Variants in FANCD2 observed in about 807,000 individuals in gnomAD.
The protein encoded by FANCD2 is FA complementation group D2, also known as Fanconi anemia group D2 protein.
A neutral mutation model predicts 192.3 loss-of-function variants in FANCD2; 131 were observed. The observed-to-expected ratio is 0.68, with a 90% CI of 0.59 to 0.79. FANCD2 has a LOEUF of 0.79. FANCD2 is among the 30% of genes least tolerant of loss of function. The pLI is 0.00. For missense variants in FANCD2, 1,508 were observed against 1,701.6 expected (o/e 0.89, Z 2.00); for synonymous variants, 524 against 612.5 (o/e 0.86, Z 2.13).
At chr3:10,032,365 C>T (rs1041168450) in intron 2 of FANCD2, 3 of 364,840 alleles carry the variant, frequency 8.2e-6, no homozygotes, top group Admixed American at 3.7e-5. Context: ...ACTATAGCCT[C>T]AACCTCCTGG....
At chr3:10,100,841 AG>A (rs1381812872) in intron 43 of FANCD2, among the ~76,000 whole-genome samples, 1 of 152,134 alleles carries the variant, frequency 6.6e-6, no homozygotes, top group Non-Finnish European at 1.5e-5. Context: ...AGGCTGAGGC[AG>A]GCAGATCACC....
At position 10,052,374 on chromosome 3, in the gene FANCD2, A is replaced by AT. The variant is rs758397626; in HGVS notation, c.1546-7dup. On this transcript the variant is annotated splice_polypyrimidine_tract_variant and intron_variant, in intron 17 of 43. Transcript: ENST00000675286. ...AGCTGCTAGCCTCATTGTTGGCATC[A>AT]TTTTTTCCACAGGGCATTTTAGATT... The AT allele has an allele frequency of 2.6e-6, 4 of 1,541,686 alleles. No individual in the cohort carries two copies. Among genetic ancestry groups the AT allele is most frequent in the South Asian group, 1.1e-5 (1 of 89,620 alleles).
rs879221957 is a variant in FANCD2 at position 10,034,324 on chromosome 3, C to CAAA, written c.206-126_206-124dup. 8,538 of 411,378 alleles carry CAAA rather than the reference C, an allele frequency of 0.021. 127 individuals carry two copies. The highest frequency in any genetic ancestry group is 0.096 in the African/African-American group (2,215 of 22,988). The allele number at this position is 411,378 out of a possible 1,614,324, so 25.5% of individuals were successfully genotyped here. A position where few individuals can be genotyped will look rare whatever the true frequency, so the allele number is the denominator to read the frequency against. ...TAGGCAACAGAACAAAACTCCATCTCAAAAAAAAAAAAAAAAAAAAAGATT... is the reference window on the plus strand; with the variant it reads ...TAGGCAACAGAACAAAACTCCATCTCAAAAAAAAAAAAAAAAAAAAAAAAGATT... On this transcript the variant is annotated intron_variant, in intron 3 of 43. Transcript: ENST00000675286.
intron 17 of FANCD2, among the ~76,000 whole-genome samples, chr3:10,051,376 G>A (rs1433256941): frequency 4.8e-5 from 4 of 82,756 alleles, no homozygotes; most frequent in Admixed American, 2.2e-4. Context: ...GCGAGACTCC[G>A]TCTCAAAAAA....
At chr3:10,036,482 G>T in intron 7 of FANCD2, 143 bp downstream of exon 7, 3 of 651,712 alleles carry the variant, frequency 4.6e-6, no homozygotes. Flanking sequence ...TTTTACTGGA[G>T]TGTCTTTGAA....
intron 12 of FANCD2, 132 bp from the exon 13 acceptor site, chr3:10,043,352 A>G: frequency 1.2e-6 from 1 of 822,416 alleles, no homozygotes; most frequent in Non-Finnish European, 2.1e-6. Context: ...CAGACAGACG[A>G]CAGTGCAAGT....
chr3:10,031,344 A>C (rs3107667), intron 2 of FANCD2, among the ~76,000 whole-genome samples: 95,811 of 151,804 alleles, frequency 0.63, 31,947 homozygotes, highest in African/African-American at 0.84. Context: ...TCTACTAAAA[A>C]TACAAAAAAT....
intron 42 of FANCD2, among the ~76,000 whole-genome samples, chr3:10,098,035 A>T (rs1695082465): frequency 6.6e-6 from 1 of 152,116 alleles, no homozygotes; most frequent in African/African-American, 2.4e-5. Flanking sequence ...TGTTTATAAT[A>T]CTACTTTGGA....
At position 10,043,601 on chromosome 3, in the gene FANCD2, T is replaced by C; in HGVS notation, c.1098+9T>C. ...CAGAAGCCTGGATTAAGGTGAGATC[T>C]TTGGAACTTTGATTATCAAGGAGGA... On this transcript the variant is annotated intron_variant, in intron 13 of 43. Transcript: ENST00000675286. 6.3e-7 allele frequency: 1 copy of C among 1,584,698 alleles called. No individual in the cohort carries two copies. The highest frequency in any genetic ancestry group is 2.2e-5 in the East Asian group (1 of 44,770).
intron 25 of FANCD2, among the ~76,000 whole-genome samples, chr3:10,066,563 C>G (rs2087724447): frequency 6.6e-6 from 1 of 152,210 alleles, no homozygotes; most frequent in African/African-American, 2.4e-5. Context: ...GTGCTGGACT[C>G]ATTTCTTTAT....
chr3:10,078,028 A>G, intron 29 of FANCD2, 53 bp from the exon 30 acceptor site: 1 of 1,260,648 alleles, frequency 7.9e-7, no homozygotes, highest in Non-Finnish European at 1.2e-6. Flanking sequence ...AAAAAAAATT[A>G]TCATGAAATG....
Position 10,101,189 on chromosome 3 carries a change from A to G in FANCD2, c.4283A>G (p.Asp1428Gly). The G allele has an allele frequency of 6.2e-7, 1 of 1,611,614 alleles. No homozygotes were observed. The highest frequency in any genetic ancestry group is 1.1e-5 in the South Asian group (1 of 91,018). Residue 1428 changes from aspartate to glycine, a missense_variant and splice_region_variant, in exon 44 of 44, where the codon GAT (aspartate) becomes GGT (glycine). Asp to Gly is a moderately conservative substitution (Grantham distance 94). Around this residue, in one of 5 missense-constraint regions of FANCD2, gnomAD observed 796 missense variants for 879.4 expected, o/e 0.91. Transcript: ENST00000675286. Reference sequence around the variant, plus strand: ...ATTTATTTATTCTTTGCCCCTTAGGATGGTGAAGAAGACGAAGTAAGTGCT... The same window carrying G: ...ATTTATTTATTCTTTGCCCCTTAGGGTGGTGAAGAAGACGAAGTAAGTGCT... ...SQASKSKATE[D>G]GEEDEVSAGE...
At chr3:10,090,253 C>A in intron 36 of FANCD2, 39 bp from the exon 37 acceptor site, 2 of 1,437,122 alleles carry the variant, frequency 1.4e-6, no homozygotes, top group Non-Finnish European at 2.0e-6. Context: ...CTAAGCAGTG[C>A]ATCATGGTGT....
intron 14 of FANCD2, among the ~76,000 whole-genome samples, chr3:10,044,596 A>G (rs1229327719): frequency 6.6e-6 from 1 of 151,924 alleles, no homozygotes; most frequent in African/African-American, 2.4e-5. Flanking sequence ...CAAAAGATAA[A>G]AAGCCGGATG....
intron 14 of FANCD2, 144 bp from the exon 15 acceptor site, chr3:10,046,436 G>A (rs1186288460): frequency 7.3e-7 from 1 of 1,363,086 alleles, no homozygotes; most frequent in East Asian, 2.5e-5. Flanking sequence ...TTTGTGAAAA[G>A]TGTAGATACT....
chr3:10,036,082 A>ATTTTTTTTTTTTTTT (rs781686867), intron 6 of FANCD2, among the ~76,000 whole-genome samples: 1 of 103,874 alleles, frequency 9.6e-6, no homozygotes, highest in African/African-American at 4.6e-5. Context: ...AGAATTATAC[A>ATTTTTTTTTTTTTTT]TTTCTTTTTT....
At chr3:10,054,446 CATATATATATATAT>C (rs1319690526) in intron 18 of FANCD2, among the ~76,000 whole-genome samples, 7 of 36,480 alleles carry the variant, frequency 1.9e-4, no homozygotes, top group African/African-American at 5.2e-4. Flanking sequence ...CATGTATATA[CATATATATATATAT>C]ATATATATAT....
intron 3 of FANCD2, among the ~76,000 whole-genome samples, chr3:10,033,208 T>G (rs2086645609): frequency 6.6e-6 from 1 of 152,094 alleles, no homozygotes; most frequent in South Asian, 2.1e-4. Context: ...GCTCAGGAAT[T>G]TGCGACCGGC....
chr3:10,101,606 ATC>A lies in FANCD2; in HGVS notation c.*347_*348del. 2.7e-6 allele frequency: 1 copy of A among 366,204 alleles called. No individual in the cohort carries two copies. The highest frequency in any genetic ancestry group is 2.8e-5 in the South Asian group (1 of 35,090). The allele number at this position is 366,204 out of a possible 1,614,324, so 22.7% of individuals were successfully genotyped here. ...TTACCATGTCGGCCAGATGGTCTCA[ATC>A]TCCTGAACTCATGATCCACCTGCCT... On this transcript the variant is annotated 3_prime_UTR_variant, in exon 44 of 44. Coordinates refer to ENST00000675286, the MANE Select transcript of FANCD2 (RefSeq NM_001018115.3).
Sources: allele counts gnomAD v4.1 joint callset (sites outside exome capture counted in the v4.1 genomes callset), GRCh38; gene constraint gnomAD v4.1.1; regional missense constraint gnomAD v4.1.1; transcripts MANE v1.5; gene names NCBI Gene and HGNC (gene_info 2026-07-23, HGNC 2026-07-21).